The following DRC4 variants were observed in gnomAD, a reference collection of about 807,000 sequenced individuals.
DRC4 encodes dynein regulatory complex subunit 4.
the DRC4 span, chr16:90,032,888 G>T: frequency 6.2e-7 from 1 of 1,613,882 alleles, no homozygotes; most frequent in Middle Eastern, 1.7e-4. Flanking sequence ...AGGAGCAGGA[G>T]CTGGCCAGTG....
chr16:90,043,120 C>T, the DRC4 span: 11 of 1,497,856 alleles, frequency 7.3e-6, no homozygotes, highest in African/African-American at 1.1e-4. Flanking sequence ...CGCTGCCCCT[C>T]CATGGAGCTG....
chr16:90,021,802 G>A, the DRC4 span, among the ~76,000 whole-genome samples: 7 of 145,930 alleles, frequency 4.8e-5, no homozygotes, highest in Non-Finnish European at 8.9e-5. Flanking sequence ...CCAGGAGGTC[G>A]AGGCTGCAGT....
the DRC4 span, chr16:90,042,571 C>A: frequency 3.9e-6 from 6 of 1,555,374 alleles, no homozygotes; most frequent in Non-Finnish European, 3.5e-6. Flanking sequence ...AGGGGCACCC[C>A]CTCGGTGCCC....
the DRC4 span, among the ~76,000 whole-genome samples, chr16:90,027,027 C>G: frequency 6.6e-6 from 1 of 151,902 alleles, no homozygotes; most frequent in Admixed American, 6.6e-5. Flanking sequence ...ATTCTTCTGC[C>G]TCAGCCTCCC....
chr16:90,031,107 T>C, the DRC4 span: 1 of 1,313,276 alleles, frequency 7.6e-7, no homozygotes, highest in South Asian at 1.5e-5. Flanking sequence ...TGAAGAGAAT[T>C]CTGCCACCTG....
At chr16:90,044,723 C>T in the DRC4 span, 1 of 417,576 alleles carries the variant, frequency 2.4e-6, no homozygotes, top group South Asian at 1.8e-5. Context: ...GCCCTGCCAC[C>T]TGTCAGACTT....
chr16:90,044,319 C>G, the DRC4 span: 1 of 421,860 alleles, frequency 2.4e-6, no homozygotes. Flanking sequence ...GGTGTGTCCT[C>G]GTAGAGTCTA....
At chr16:90,029,089 G>T in the DRC4 span, 1 of 1,308,836 alleles carries the variant, frequency 7.6e-7, no homozygotes, top group Non-Finnish European at 1.0e-6. Context: ...CTCCCTGTCC[G>T]CTTCCCATTC....
chr16:90,034,516 G>T, the DRC4 span, among the ~76,000 whole-genome samples: 1 of 152,086 alleles, frequency 6.6e-6, no homozygotes, highest in Non-Finnish European at 1.5e-5. Context: ...CAGCTACTCG[G>T]GACGCTGAGG....
At chr16:90,035,842 G>T in the DRC4 span, 8 of 1,535,476 alleles carry the variant, frequency 5.2e-6, no homozygotes, top group Non-Finnish European at 6.1e-6. Context: ...TCCAAGGCCA[G>T]TGGACCCACT....
the DRC4 span, among the ~76,000 whole-genome samples, chr16:90,041,468 C>T: frequency 6.6e-6 from 1 of 152,206 alleles, no homozygotes; most frequent in South Asian, 2.1e-4. Flanking sequence ...TTGCCCACAT[C>T]TGGGCGGGGC....
At chr16:90,039,533 C>T in the DRC4 span, among the ~76,000 whole-genome samples, 4 of 151,922 alleles carry the variant, frequency 2.6e-5, no homozygotes, top group East Asian at 1.9e-4. Flanking sequence ...TTACAGGCGC[C>T]TGCCACCACG....
At chr16:90,033,429 C>A in the DRC4 span, among the ~76,000 whole-genome samples, 2 of 152,160 alleles carry the variant, frequency 1.3e-5, no homozygotes, top group Non-Finnish European at 2.9e-5. Flanking sequence ...TTGGGAGGGT[C>A]AGGTGGGAGA....
the DRC4 span, chr16:90,040,613 C>T: frequency 2.5e-5 from 27 of 1,080,186 alleles, no homozygotes; most frequent in East Asian, 8.0e-5. Context: ...ACCCCTCGGT[C>T]GGCCACTGAG....
chr16:90,031,246 G>GCC, the DRC4 span: 2 of 1,606,770 alleles, frequency 1.2e-6, no homozygotes, highest in South Asian at 2.2e-5. Context: ...ACGCCCCGTT[G>GCC]CCGTGCATGG....
chr16:90,022,737 G>A, the DRC4 span: 151 of 1,414,034 alleles, frequency 1.1e-4, 2 homozygotes, highest in Admixed American at 3.7e-3. Flanking sequence ...GAGCAGGGGC[G>A]GGAGCGGGGC....
the DRC4 span, chr16:90,022,599 C>T: frequency 8.9e-7 from 1 of 1,127,956 alleles, no homozygotes; most frequent in Non-Finnish European, 1.2e-6. Context: ...CGCTGCCCGG[C>T]GGAGTCTCGC....
the DRC4 span, chr16:90,032,830 A>G: frequency 7.4e-6 from 12 of 1,613,982 alleles, no homozygotes; most frequent in South Asian, 5.5e-5. Flanking sequence ...CACCGCATAC[A>G]GGAGAGTGTG....
the DRC4 span, chr16:90,019,679 C>A: frequency 3.6e-6 from 2 of 548,274 alleles, no homozygotes; most frequent in Non-Finnish European, 6.3e-6. This position sits in a 1 kb window ranked among gnomAD's most constrained non-coding sequence, Gnocchi z 6.1. Flanking sequence ...CGGGACCTGG[C>A]TGCGCCCTCC....
Sources: allele counts gnomAD v4.1 joint callset (sites outside exome capture counted in the v4.1 genomes callset), GRCh38; gene constraint gnomAD v4.1.1; non-coding constraint Gnocchi (gnomAD v3.1); transcripts MANE v1.5; gene names NCBI Gene and HGNC (gene_info 2026-07-23, HGNC 2026-07-21).